The following KIF9 variants were observed in gnomAD, a reference collection of about 807,000 sequenced individuals.
The protein encoded by KIF9 is kinesin family member 9, also known as kinesin-like protein KIF9.
A neutral mutation model predicts 94.8 loss-of-function variants in KIF9; 68 were observed. The ratio of observed to expected loss-of-function variants is 0.72; its 90% CI spans 0.59 to 0.88. The LOEUF is 0.88. Ranked by LOEUF, KIF9 falls within the 40% of genes least tolerant of loss-of-function variation. KIF9 has a pLI of 0.00. For synonymous variants in KIF9, 343 were observed against 362.1 expected, an observed-to-expected ratio of 0.95 and a Z score of 0.60; for missense variants, 882 against 982.5, an observed-to-expected ratio of 0.90 and a Z score of 1.37.
At chr3:47,250,472 T>C in intron 10 of KIF9, 1 of 346,356 alleles carries the variant, frequency 2.9e-6, no homozygotes, top group Non-Finnish European at 6.2e-6. Flanking sequence ...TGGCACATAG[T>C]AAGCACTCCA....
intron 20 of KIF9, among the ~76,000 whole-genome samples, chr3:47,230,749 A>G (rs1333843184): frequency 6.8e-6 from 1 of 146,228 alleles, no homozygotes; most frequent in Admixed American, 6.8e-5. Context: ...AAAAAAAAGA[A>G]GTTACCCAGG....
rs1698301942 is a variant in KIF9 at position 47,228,066 on chromosome 3, T to C, written c.*586A>G. On this transcript the variant is annotated 3_prime_UTR_variant, in exon 21 of 21. Coordinates refer to ENST00000684063, the MANE Select transcript of KIF9 (RefSeq NM_182902.4). ...CTGCCTCATCCCTTTCTGGTCTCTGTGGCTAGACCTTATCCTCCCCTGGTT... is the reference window on the plus strand; with the variant it reads ...CTGCCTCATCCCTTTCTGGTCTCTGCGGCTAGACCTTATCCTCCCCTGGTT... 1 of 152,476 alleles carries C rather than the reference T, an allele frequency of 6.6e-6. No individual in the cohort carries two copies. The highest frequency in any genetic ancestry group is 1.9e-4 in the East Asian group (1 of 5,206). The allele number at this position is 152,476 out of a possible 1,614,324, so 9.4% of individuals were successfully genotyped here. A position where few individuals can be genotyped will look rare whatever the true frequency, so the allele number is the denominator to read the frequency against.
intron 19 of KIF9, 23 bp downstream of exon 19, chr3:47,236,011 A>C: frequency 6.4e-7 from 1 of 1,559,064 alleles, no homozygotes; most frequent in Non-Finnish European, 8.8e-7. Context: ...CCACTGCCAC[A>C]CCCCTGCCCC....
chr3:47,259,045 AT>A (rs1700796600), intron 9 of KIF9, among the ~76,000 whole-genome samples: 1 of 152,150 alleles, frequency 6.6e-6, no homozygotes, highest in Non-Finnish European at 1.5e-5. Flanking sequence ...CCCCTGAGCC[AT>A]TCCTGGGAGG....
intron 1 of KIF9, among the ~76,000 whole-genome samples, chr3:47,279,693 T>C (rs1235349299): frequency 6.6e-6 from 1 of 151,858 alleles, no homozygotes; most frequent in African/African-American, 2.4e-5. Flanking sequence ...CTCAGCTCAC[T>C]GCAAGCTCCG....
intron 17 of KIF9, chr3:47,240,243 AC>A (rs1287646146): frequency 1.8e-5 from 4 of 227,234 alleles, no homozygotes; most frequent in Non-Finnish European, 3.6e-5. Context: ...AGCCTGGAGC[AC>A]CCCCTGCCAC....
intron 4 of KIF9, 89 bp from the exon 5 acceptor site, chr3:47,271,550 T>C (rs1701650281): frequency 2.3e-6 from 2 of 857,570 alleles, no homozygotes; most frequent in Admixed American, 1.8e-5. Context: ...GAAGGGAACA[T>C]CAAGATGTAT....
intron 7 of KIF9, 141 bp downstream of exon 7, chr3:47,266,835 G>A: frequency 1.4e-6 from 1 of 696,488 alleles, no homozygotes; most frequent in African/African-American, 1.8e-5. Flanking sequence ...TGTCCCTCCA[G>A]CAAGCCCACA....
In KIF9 at chr3:47,275,290, T is replaced by C. The variant is rs1465414403; in HGVS notation, c.259+35A>G. 3 of 1,499,362 alleles carry C rather than the reference T, an allele frequency of 2.0e-6. No homozygotes were observed. The Admixed American group carries it at 6.0e-5, about 30-fold the overall frequency. The allele number at this position is 1,499,362 out of a possible 1,614,324, so 92.9% of individuals were successfully genotyped here. On this transcript the variant is annotated intron_variant, in intron 3 of 20. Coordinates refer to ENST00000684063, the MANE Select transcript of KIF9 (RefSeq NM_182902.4). ...TATTTGCATCTCTTACTCCTCAGGTTCTTACATAAGACAACATTTAATTAA... is the reference window on the plus strand; with the variant it reads ...TATTTGCATCTCTTACTCCTCAGGTCCTTACATAAGACAACATTTAATTAA...
chr3:47,237,714 G>A (rs911091923), intron 17 of KIF9, among the ~76,000 whole-genome samples: 1 of 152,204 alleles, frequency 6.6e-6, no homozygotes. Context: ...AGGTGCTAGA[G>A]GAAAGTGTTA....
intron 4 of KIF9, among the ~76,000 whole-genome samples, chr3:47,272,704 T>C (rs1041099645): frequency 2.6e-5 from 4 of 152,194 alleles, no homozygotes; most frequent in Non-Finnish European, 5.9e-5. Flanking sequence ...TTTTTACTTT[T>C]TAAAATGTGG....
chr3:47,256,036 G>T (rs1406114109), intron 10 of KIF9, among the ~76,000 whole-genome samples: 2 of 152,234 alleles, frequency 1.3e-5, no homozygotes, highest in African/African-American at 2.4e-5. Flanking sequence ...TGCCGGGATT[G>T]CAGACGGAGT....
At chr3:47,278,009 T>C (rs1266759913) in intron 1 of KIF9, among the ~76,000 whole-genome samples, 1 of 152,148 alleles carries the variant, frequency 6.6e-6, no homozygotes, top group Admixed American at 6.5e-5. Context: ...TGTGTGTGTG[T>C]GTATGCGTGT....
chr3:47,247,460 C>G lies in KIF9; in HGVS notation c.1146G>C (p.Val382=). The change falls in exon 12 of 21, where the codon GTG becomes GTC. Residue 382 remains valine, a synonymous_variant. Transcript: ENST00000684063. ...IHDSLTNRTF[V]TYDPMDEIQI... ...GGATTTCATCCATGGGGTCATAGGT[C>G]ACAAAGGTGCGGTTGGTCTTGAAGG... 6.2e-7 allele frequency: 1 copy of G among 1,613,458 alleles called. No homozygotes were observed. The highest frequency in any genetic ancestry group is 8.5e-7 in the Non-Finnish European group (1 of 1,179,454).
At chr3:47,259,133 G>A (rs1466354243) in intron 9 of KIF9, among the ~76,000 whole-genome samples, 1 of 152,192 alleles carries the variant, frequency 6.6e-6, no homozygotes, top group Non-Finnish European at 1.5e-5. Context: ...TTTGGAGGCA[G>A]GGGCCTCTAG....
chr3:47,231,562 A>G (rs1698592971), intron 20 of KIF9, among the ~76,000 whole-genome samples: 1 of 151,750 alleles, frequency 6.6e-6, no homozygotes, highest in African/African-American at 2.4e-5. Context: ...AGGCGTGCAC[A>G]GGCATGCACC....
intron 10 of KIF9, among the ~76,000 whole-genome samples, chr3:47,250,797 C>T (rs370465159): frequency 6.6e-6 from 1 of 152,244 alleles, no homozygotes; most frequent in African/African-American, 2.4e-5. Flanking sequence ...GAGCCCCTGA[C>T]ACCTGGATCC....
intron 1 of KIF9, among the ~76,000 whole-genome samples, chr3:47,279,912 G>C (rs1017077902): frequency 6.6e-6 from 1 of 152,140 alleles, no homozygotes; most frequent in Non-Finnish European, 1.5e-5. Context: ...GGTCCAATGG[G>C]TGTTACCTGA....
intron 4 of KIF9, among the ~76,000 whole-genome samples, 196 bp downstream of exon 4, chr3:47,273,356 C>G (rs1307805672): frequency 2.0e-5 from 3 of 152,134 alleles, no homozygotes; most frequent in African/African-American, 7.2e-5. Flanking sequence ...AGTCTGACAC[C>G]CAACCTCCTG....
Sources: allele counts gnomAD v4.1 joint callset (sites outside exome capture counted in the v4.1 genomes callset), GRCh38; gene constraint gnomAD v4.1.1; transcripts MANE v1.5; gene names NCBI Gene and HGNC (gene_info 2026-07-23, HGNC 2026-07-21).